DLGAP1: variants seen among roughly 807,000 people sequenced by gnomAD.
DLGAP1 encodes the protein disks large-associated protein 1.
Under a neutral mutation model 90.8 loss-of-function variants are expected in DLGAP1, and 11 were observed. The ratio of observed to expected loss-of-function variants is 0.12; its 90% CI spans 0.08 to 0.20. The LOEUF (loss-of-function observed/expected upper bound fraction) is 0.20. DLGAP1 is among the 10% of genes least tolerant of loss of function. DLGAP1 has a pLI of 1.00. For synonymous variants in DLGAP1, 558 were observed against 540.7 expected (o/e 1.03, Z -0.44); for missense variants, 1,050 against 1,333.8 (o/e 0.79, Z 3.31).
intron 1 of DLGAP1, among the ~76,000 whole-genome samples, chr18:4,400,139 C>T (rs555503108): frequency 5.3e-5 from 8 of 152,204 alleles, no homozygotes; most frequent in Admixed American, 5.2e-4. Context: ...GAACCACTAC[C>T]CGGGACATCC....
chr18:3,733,367 G>A (rs79459793), intron 6 of DLGAP1, among the ~76,000 whole-genome samples: 2,994 of 152,220 alleles, frequency 0.02, 85 homozygotes, highest in African/African-American at 0.06. Flanking sequence ...AGTAGAAACT[G>A]TACTTTGAAT....
intron 2 of DLGAP1, among the ~76,000 whole-genome samples, chr18:4,069,922 C>A (rs1331227854): frequency 1.3e-5 from 2 of 152,030 alleles, no homozygotes; most frequent in African/African-American, 2.4e-5. Flanking sequence ...TAGTTATCTT[C>A]ACTACTTTTA....
chr18:4,382,004 G>A (rs1267092488), intron 1 of DLGAP1, among the ~76,000 whole-genome samples: 4 of 152,108 alleles, frequency 2.6e-5, no homozygotes, highest in Non-Finnish European at 4.4e-5. Context: ...GAGATCTCAT[G>A]AGACTTATTC....
chr18:3,806,485 G>C (rs2066567092), intron 5 of DLGAP1, among the ~76,000 whole-genome samples: 1 of 152,072 alleles, frequency 6.6e-6, no homozygotes, highest in Non-Finnish European at 1.5e-5. Context: ...TTGAAACCAA[G>C]GTATAAATGA....
intron 1 of DLGAP1, among the ~76,000 whole-genome samples, chr18:4,315,176 A>C (rs534457240): frequency 6.6e-6 from 1 of 152,284 alleles, no homozygotes; most frequent in South Asian, 2.1e-4. Flanking sequence ...CATCTGCCAA[A>C]CTGGGATAGC....
intron 7 of DLGAP1, among the ~76,000 whole-genome samples, chr18:3,715,138 T>A (rs1253332971): frequency 1.3e-5 from 2 of 152,172 alleles, no homozygotes; most frequent in Non-Finnish European, 2.9e-5. Context: ...CCTGCCACAT[T>A]CCCTCAAACA....
intron 1 of DLGAP1, among the ~76,000 whole-genome samples, chr18:4,365,206 G>A (rs1245091080): frequency 1.3e-5 from 2 of 152,038 alleles, no homozygotes; most frequent in East Asian, 3.9e-4. Flanking sequence ...GTAAAGCAAC[G>A]CTAAGAGAAA....
intron 3 of DLGAP1, among the ~76,000 whole-genome samples, chr18:3,895,162 G>A (rs750809740): frequency 3.9e-5 from 6 of 151,998 alleles, no homozygotes; most frequent in Admixed American, 1.3e-4. Flanking sequence ...CGAGCAGTGC[G>A]TGCTCCACCA....
intron 1 of DLGAP1, among the ~76,000 whole-genome samples, chr18:4,265,663 C>CCCTTCCTTCCTTCCTTCCTT (rs551164051): frequency 5.5e-5 from 3 of 54,288 alleles, no homozygotes; most frequent in African/African-American, 1.8e-4. Context: ...CTCCCTCCCT[C>CCCTTCCTTCCTTCCTTCCTT]CCTTCCTTCC....
At chr18:4,112,197 C>T (rs772438188) in intron 2 of DLGAP1, among the ~76,000 whole-genome samples, 33 of 151,970 alleles carry the variant, frequency 2.2e-4, no homozygotes, top group Admixed American at 3.9e-4. Context: ...ATTTAGGATG[C>T]GTTGGGTAAT....
At chr18:3,761,943 C>T (rs1344918061) in intron 5 of DLGAP1, among the ~76,000 whole-genome samples, 1 of 152,152 alleles carries the variant, frequency 6.6e-6, no homozygotes, top group Non-Finnish European at 1.5e-5. Context: ...AGAAGAACTT[C>T]GTCTTTTCTA....
intron 5 of DLGAP1, among the ~76,000 whole-genome samples, chr18:3,763,685 C>A (rs373135434): frequency 4.1e-4 from 61 of 148,202 alleles, no homozygotes; most frequent in Middle Eastern, 3.4e-3. Flanking sequence ...TTTTTTGAGA[C>A]GGAGTTTCAC....
At chr18:4,244,854 AC>A (rs1258517164) in intron 1 of DLGAP1, among the ~76,000 whole-genome samples, 4 of 152,212 alleles carry the variant, frequency 2.6e-5, no homozygotes, top group Non-Finnish European at 1.5e-5. Flanking sequence ...ATCCAGTGTA[AC>A]GAAATGGTTC....
At chr18:3,875,670 A>G (rs1049043044) in intron 4 of DLGAP1, among the ~76,000 whole-genome samples, 13 of 152,216 alleles carry the variant, frequency 8.5e-5, no homozygotes, top group Admixed American at 2.6e-4. Context: ...TTAAAGAGCA[A>G]ATTAGACAAC....
chr18:4,286,695 T>C (rs1238559366), intron 1 of DLGAP1, among the ~76,000 whole-genome samples: 1 of 152,136 alleles, frequency 6.6e-6, no homozygotes, highest in Non-Finnish European at 1.5e-5. Flanking sequence ...TAGTTAGTAC[T>C]GATTGCCAAG....
At chr18:3,898,908 TTAAAG>T (rs113841351) in intron 3 of DLGAP1, among the ~76,000 whole-genome samples, 5,588 of 152,024 alleles carry the variant, frequency 0.037, 289 homozygotes, top group Admixed American at 0.14. Context: ...GATAGGCCAT[TTAAAG>T]TAAAGTAAAG....
At position 3,879,160 on chromosome 18, in the gene DLGAP1, C is replaced by T. The variant is rs560639215; in HGVS notation, c.909G>A (p.Met303Ile). 6.6e-7 allele frequency: 1 copy of T among 1,513,064 alleles called. No individual in the cohort carries two copies. The highest frequency in any genetic ancestry group is 2.3e-5 in the East Asian group (1 of 43,626). 93.7% of individuals were successfully genotyped at this position (1,513,064 alleles called of 1,614,324 possible). Residue 303 changes from methionine to isoleucine, a missense_variant, in exon 4 of 13, where the codon ATG (methionine) becomes ATA (isoleucine). Met to Ile is a conservative substitution (Grantham distance 10). This residue lies in a region of DLGAP1 where 485 missense variants were observed against 454.1 expected (regional missense o/e 1.07). Transcript: ENST00000315677. This position sits in a 1 kb window ranked among gnomAD's most constrained non-coding sequence, Gnocchi z 6.6. ...CTTGCTGACACGACTCGGACTTCAC[C>T]ATGGCCTGGTCCATGTTCACCGAGG... ...QKASVNMDQA[M>I]VKSESCQQER...
chr18:3,657,893 C>T (rs1486136244), intron 7 of DLGAP1, among the ~76,000 whole-genome samples: 10 of 152,068 alleles, frequency 6.6e-5, no homozygotes, highest in African/African-American at 9.7e-5. Context: ...CTTGAGCCAC[C>T]GCGCCCGGCT....
chr18:4,141,965 G>A (rs1166130908), intron 2 of DLGAP1, among the ~76,000 whole-genome samples: 1 of 151,978 alleles, frequency 6.6e-6, no homozygotes, highest in Non-Finnish European at 1.5e-5. Flanking sequence ...CTCTAGGATT[G>A]GTCCCTGGTG....
Sources: gnomAD v4.1 joint callset for allele counts (sites outside exome capture counted in the v4.1 genomes callset) on GRCh38, gnomAD v4.1.1 for gene constraint, gnomAD v4.1.1 regional missense constraint, Gnocchi (gnomAD v3.1) non-coding constraint, MANE v1.5 for transcripts, NCBI Gene and HGNC (gene_info 2026-07-23, HGNC 2026-07-21) for gene names.